TIAM2: variants seen among roughly 807,000 people sequenced by gnomAD.
TIAM2 encodes the protein TIAM Rac1 associated GEF 2.
A neutral mutation model predicts 152.9 loss-of-function variants in TIAM2; 80 were observed. That is an observed-to-expected ratio of 0.52 (90% confidence interval 0.44 to 0.63). The LOEUF is 0.63. Among genes scored for constraint, TIAM2 ranks in the 30% least tolerant of loss-of-function variants. TIAM2 has a pLI of 0.00. For missense variants in TIAM2, 1,965 were observed against 2,120.1 expected, an observed-to-expected ratio of 0.93 and a Z score of 1.44; for synonymous variants, 804 against 838.0, an observed-to-expected ratio of 0.96 and a Z score of 0.70.
chr6:155,100,047 TGTC>T (rs3028801), intron 2 of TIAM2, among the ~76,000 whole-genome samples: 56,268 of 152,026 alleles, frequency 0.37, 11,087 homozygotes, highest in Admixed American at 0.54. Flanking sequence ...ATATGCAGTC[TGTC>T]GTCGGCTATT....
In TIAM2 at chr6:155,141,418, C is replaced by T. The variant is rs140026122; in HGVS notation, c.1631-3188C>T. Among the ~76,000 whole-genome samples the T allele has an allele frequency of 4.0e-5, 6 of 151,874 alleles. No individual in the cohort carries two copies. In the East Asian group the frequency reaches 1.2e-3, roughly 29 times the overall value. ...GTACACACACACACACACACACACA[C>T]TCTTAAGCCTAATTTTTAAATTATC... On this transcript the variant is annotated intron_variant, in intron 5 of 26. Transcript: ENST00000682666.
At chr6:155,175,528 TAAGTAAC>T (rs1456288218) in intron 9 of TIAM2, among the ~76,000 whole-genome samples, 1 of 152,202 alleles carries the variant, frequency 6.6e-6, no homozygotes, top group Non-Finnish European at 1.5e-5. Flanking sequence ...CACAAAAACT[TAAGTAAC>T]AAGTAATTTT....
intron 5 of TIAM2, among the ~76,000 whole-genome samples, chr6:155,141,394 T>TACAC (rs67844080): frequency 0.027 from 4,091 of 150,224 alleles, 64 homozygotes; most frequent in African/African-American, 0.031. Flanking sequence ...CATATATGTG[T>TACAC]ACACACACAC....
intron 1 of TIAM2, among the ~76,000 whole-genome samples, chr6:155,033,544 TAGTTA>T (rs1477852164): frequency 6.6e-6 from 1 of 152,066 alleles, no homozygotes; most frequent in Non-Finnish European, 1.5e-5. Flanking sequence ...TTTAGTTTCT[TAGTTA>T]AGAAAGGAAG....
At chr6:155,054,587 GT>G (rs1055685024) in intron 1 of TIAM2, among the ~76,000 whole-genome samples, 14 of 115,990 alleles carry the variant, frequency 1.2e-4, no homozygotes, top group Non-Finnish European at 2.2e-4. Flanking sequence ...GTTTTGTTTT[GT>G]TTTTTTTTTT....
Position 155,137,612 on chromosome 6 carries a change from G to A in TIAM2, c.1630G>A (p.Gly544Arg). The A allele has an allele frequency of 1.9e-6, 3 of 1,575,418 alleles. No homozygotes were observed. Among genetic ancestry groups the A allele is most frequent in the Middle Eastern group, 1.7e-4 (1 of 5,892 alleles). ...GAAACAGTACTGGGTAACGCTGAAAGGTGAGTGCAGTGTCACCTGCTGAGG... is the reference window on the plus strand; with the variant it reads ...GAAACAGTACTGGGTAACGCTGAAAAGTGAGTGCAGTGTCACCTGCTGAGG... ...KWKQYWVTLK[G>R]CTLLFYETYG... The change falls in exon 5 of 27, where the codon GGA becomes AGA. Residue 544 changes from glycine to arginine, a missense_variant and splice_region_variant. Physicochemically the swap from Gly to Arg is moderately radical, Grantham distance 125. This residue lies in a region of TIAM2 where 1,025 missense variants were observed against 1,119.4 expected (regional missense o/e 0.92). Transcript: ENST00000682666.
chr6:155,228,957 C>G (rs1782350364), intron 15 of TIAM2, among the ~76,000 whole-genome samples: 1 of 152,234 alleles, frequency 6.6e-6, no homozygotes, highest in Non-Finnish European at 1.5e-5. Flanking sequence ...GGGCATGCCC[C>G]CTAGGCACTC....
At chr6:155,016,661 G>T (rs979867371) in intron 1 of TIAM2, among the ~76,000 whole-genome samples, 3 of 148,084 alleles carry the variant, frequency 2.0e-5, no homozygotes, top group African/African-American at 7.4e-5. Context: ...AACTTTAGGA[G>T]GCCAAGGCGG....
intron 15 of TIAM2, among the ~76,000 whole-genome samples, chr6:155,222,854 T>C (rs983490993): frequency 5.3e-5 from 8 of 152,124 alleles, no homozygotes; most frequent in African/African-American, 1.9e-4. Flanking sequence ...GGAGAGCTGC[T>C]TAGAAGAAGA....
rs986047254 is a variant in TIAM2 at position 155,183,481 on chromosome 6, T to G, written c.3045T>G (p.Phe1015Leu). ...SQLLEEFLDN[F>L]KKNTANDFSN... ...TGCTGGAGGAATTCCTGGATAACTT[T>G]AAAAAGAATACAGCCAATGGTAAGG... The change falls in exon 14 of 27, where the codon TTT (phenylalanine) becomes TTG (leucine). Residue 1015 changes from phenylalanine (F) to leucine (L), a missense_variant. Coordinates refer to ENST00000682666, the MANE Select transcript of TIAM2 (RefSeq NM_012454.4). 5 of 1,613,086 alleles carry G rather than the reference T, an allele frequency of 3.1e-6. No homozygotes were observed. Among genetic ancestry groups the G allele is most frequent in the Non-Finnish European group, 4.2e-6 (5 of 1,179,774 alleles).
At position 155,164,444 on chromosome 6, in the gene TIAM2, A is replaced by G. The variant is rs768731587; in HGVS notation, c.2058A>G (p.Lys686=). 1 of 1,597,876 alleles carries G rather than the reference A, an allele frequency of 6.3e-7. No homozygotes were observed. The highest frequency in any genetic ancestry group is 2.2e-5 in the East Asian group (1 of 44,490). Residue 686 remains lysine, a synonymous_variant, in exon 8 of 27, where the codon AAA becomes AAG. Coordinates refer to ENST00000682666, the MANE Select transcript of TIAM2 (RefSeq NM_012454.4). ...QIQQWEQNLE[K]FHMDLFRMRC... is the part of the protein sequence containing the mutation. ...AGCAATGGGAGCAGAATCTTGAGAA[A>G]TTTCACATGGATCTGTTCAGGATGC...
At chr6:155,055,576 G>A (rs954745360) in intron 1 of TIAM2, among the ~76,000 whole-genome samples, 1 of 152,168 alleles carries the variant, frequency 6.6e-6, no homozygotes, top group African/African-American at 2.4e-5. Flanking sequence ...TAATGCACAT[G>A]TTTAAACTGT....
At chr6:155,221,336 G>A (rs7763780) in intron 15 of TIAM2, among the ~76,000 whole-genome samples, 192 of 152,200 alleles carry the variant, frequency 1.3e-3, no homozygotes, top group African/African-American at 3.9e-3. Context: ...TGACACTCCC[G>A]TTCCTCATCC....
chr6:155,121,875 C>G (rs2115024344), intron 2 of TIAM2: 1 of 152,772 alleles, frequency 6.5e-6, no homozygotes, highest in East Asian at 1.9e-4. Context: ...CCTCGCAGGC[C>G]TCTGCTCAGC....
At chr6:155,252,759 G>A (rs1479968576) in intron 23 of TIAM2, among the ~76,000 whole-genome samples, 189 bp from the exon 24 acceptor site, 4 of 152,162 alleles carry the variant, frequency 2.6e-5, no homozygotes, top group South Asian at 2.1e-4. Context: ...CTCTGCCTCC[G>A]CACCTTCCCT....
At chr6:155,224,510 C>T (rs1393073008) in intron 15 of TIAM2, among the ~76,000 whole-genome samples, 1 of 152,188 alleles carries the variant, frequency 6.6e-6, no homozygotes, top group Non-Finnish European at 1.5e-5. Flanking sequence ...AATCCGTCTC[C>T]TGCTGTCTTG....
chr6:155,234,003 T>G (rs12194125), intron 15 of TIAM2, among the ~76,000 whole-genome samples: 73,900 of 146,732 alleles, frequency 0.5, 19,527 homozygotes, highest in African/African-American at 0.6. Flanking sequence ...AAATTTTTTT[T>G]GGGGGGGGGT....
intron 2 of TIAM2, among the ~76,000 whole-genome samples, chr6:155,126,013 G>C (rs1779285515): frequency 1.3e-5 from 2 of 152,224 alleles, no homozygotes; most frequent in Non-Finnish European, 1.5e-5. Flanking sequence ...GGAAGAGCTA[G>C]TTAAACACCC....
chr6:155,054,736 A>G (rs1025838379), intron 1 of TIAM2, among the ~76,000 whole-genome samples: 7 of 152,102 alleles, frequency 4.6e-5, no homozygotes, highest in Admixed American at 3.9e-4. Context: ...AACTACAATA[A>G]TAGAATCGTG....
Sources: gnomAD v4.1 joint callset for allele counts (sites outside exome capture counted in the v4.1 genomes callset) on GRCh38, gnomAD v4.1.1 for gene constraint, gnomAD v4.1.1 regional missense constraint, MANE v1.5 for transcripts, NCBI Gene and HGNC (gene_info 2026-07-23, HGNC 2026-07-21) for gene names.